Variants in RNF169 observed in about 807,000 individuals in gnomAD.
The protein encoded by RNF169 is ring finger protein 169, also known as E3 ubiquitin-protein ligase RNF169.
A neutral mutation model predicts 53.9 loss-of-function variants in RNF169; 24 were observed. The observed-to-expected ratio is 0.45, with a 90% CI of 0.32 to 0.63. RNF169 has a LOEUF of 0.63. Among genes scored for constraint, RNF169 ranks in the 20% least tolerant of loss-of-function variants. RNF169 has a pLI of 0.04. For missense variants in RNF169, 883 were observed against 906.2 expected (o/e 0.97, Z 0.33); for synonymous variants, 396 against 363.5 (o/e 1.09, Z -1.02).
At chr11:74,764,406 G>A (rs1345829495) in intron 1 of RNF169, among the ~76,000 whole-genome samples, 1 of 152,164 alleles carries the variant, frequency 6.6e-6, no homozygotes, top group Non-Finnish European at 1.5e-5. Flanking sequence ...GGTGGCGCAT[G>A]CCTGTAATCA....
rs547827665 is a variant in RNF169 at position 74,835,807 on chromosome 11, C to G, written c.1204C>G (p.Leu402Val). 6.2e-7 allele frequency: 1 copy of G among 1,614,194 alleles called. No homozygotes were observed. The highest frequency in any genetic ancestry group is 1.3e-5 in the African/African-American group (1 of 75,050). ...PPKRLPDGRV[L>V]SPLIIKSTPR... is the part of the protein sequence containing the mutation. The stretch of plus-strand genomic sequence containing the variant: ...CAAGAGACTCCCTGATGGCCGTGTG[C>G]TAAGTCCTCTCATCATCAAATCAAC... The change falls in exon 6 of 6, where the codon CTA (leucine) becomes GTA (valine). Residue 402 changes from leucine (L) to valine (V), a missense_variant. Physicochemically the swap from Leu to Val is conservative, Grantham distance 32 (BLOSUM62 1). Around this residue, in one of 3 missense-constraint regions of RNF169, gnomAD observed 219 missense variants for 289.1 expected, o/e 0.76. Coordinates refer to ENST00000299563, the MANE Select transcript of RNF169 (RefSeq NM_001098638.2).
In RNF169 at chr11:74,749,054, G is replaced by A. The variant is rs961423013; in HGVS notation, c.174G>A (p.Pro58=). 4.8e-6 allele frequency: 7 copies of A among 1,467,862 alleles called. No homozygotes were observed. Among genetic ancestry groups the A allele is most frequent in the Non-Finnish European group, 6.3e-6 (7 of 1,108,186 alleles). The allele number at this position is 1,467,862 out of a possible 1,614,324, so 90.9% of individuals were successfully genotyped here. The part of the protein sequence containing the change: ...LVLSPPLLQP[P]LPPRPEESGC... ...TGTCGCCGCCGTTGCTGCAGCCGCC[G>A]CTGCCGCCGCGGCCGGAGGAATCGG... The change falls in exon 1 of 6, where the codon CCG becomes CCA. Residue 58 remains proline, a synonymous_variant. Coordinates refer to ENST00000299563, the MANE Select transcript of RNF169 (RefSeq NM_001098638.2).
chr11:74,818,960 A>C (rs1292992719), intron 4 of RNF169, among the ~76,000 whole-genome samples: 6 of 152,016 alleles, frequency 3.9e-5, no homozygotes, highest in Non-Finnish European at 5.9e-5. Context: ...TGGATTACTT[A>C]ATGTCTTTAT....
At chr11:74,766,914 A>G (rs2035182914) in intron 1 of RNF169, among the ~76,000 whole-genome samples, 1 of 152,234 alleles carries the variant, frequency 6.6e-6, no homozygotes, top group South Asian at 2.1e-4. Flanking sequence ...AAATCACACA[A>G]GTTAACAAAA....
Position 74,839,518 on chromosome 11 carries a change from T to C in RNF169, c.*2788T>C, listed in dbSNP as rs1390306978. The C allele has an allele frequency of 6.6e-6, 1 of 152,170 alleles. No individual in the cohort carries two copies. The highest frequency in any genetic ancestry group is 1.5e-5 in the Non-Finnish European group (1 of 68,032). The allele number at this position is 152,170 out of a possible 1,614,324, so 9.4% of individuals were successfully genotyped here. A position where few individuals can be genotyped will look rare whatever the true frequency, so the allele number is the denominator to read the frequency against. On this transcript the variant is annotated 3_prime_UTR_variant, in exon 6 of 6. Transcript: ENST00000299563. ...GATGGGAAGGGTTTGTGAGCTAGAA[T>C]AAGAGGTGCAGGATTTCACAAAACA...
At chr11:74,777,453 A>G (rs1195579470) in intron 1 of RNF169, among the ~76,000 whole-genome samples, 2 of 152,166 alleles carry the variant, frequency 1.3e-5, no homozygotes, top group African/African-American at 4.8e-5. Flanking sequence ...TCTTAGCAGC[A>G]TTCCCATGTC....
At chr11:74,834,830 C>T in intron 5 of RNF169, 55 bp downstream of exon 5, 1 of 1,165,340 alleles carries the variant, frequency 8.6e-7, no homozygotes. Context: ...ATCACCCCCT[C>T]TGCACATGGT....
At chr11:74,811,005 C>T (rs1471474096) in intron 3 of RNF169, among the ~76,000 whole-genome samples, 1 of 152,068 alleles carries the variant, frequency 6.6e-6, no homozygotes, top group Non-Finnish European at 1.5e-5. Flanking sequence ...CTTAGCACAT[C>T]TTTAGACTCC....
At chr11:74,775,993 A>T (rs911436518) in intron 1 of RNF169, among the ~76,000 whole-genome samples, 15 of 152,208 alleles carry the variant, frequency 9.9e-5, no homozygotes, top group Non-Finnish European at 2.1e-4. Flanking sequence ...TAACCATTCT[A>T]GTCATCTTTA....
rs573118472 is a variant in RNF169, at chr11:74,838,697, C to T, written c.*1967C>T. On this transcript the variant is annotated 3_prime_UTR_variant, in exon 6 of 6. Transcript: ENST00000299563. ...ATTTTGTAGTCACACCACTTCAGTT[C>T]TGGGCCCTACCAACAATTTATGTCC... is the stretch of plus-strand genomic sequence containing the variant. 6.6e-6 allele frequency: 1 copy of T among 152,306 alleles called. No individual in the cohort carries two copies. Among genetic ancestry groups the T allele is most frequent in the African/African-American group, 2.4e-5 (1 of 41,582 alleles). The allele number at this position is 152,306 out of a possible 1,614,324, so 9.4% of individuals were successfully genotyped here. A position where few individuals can be genotyped will look rare whatever the true frequency, so the allele number is the denominator to read the frequency against.
chr11:74,773,053 T>G (rs922242542), intron 1 of RNF169, among the ~76,000 whole-genome samples: 1 of 152,234 alleles, frequency 6.6e-6, no homozygotes, highest in Admixed American at 6.5e-5. Context: ...TTTATCACAT[T>G]TGCTAGTGAA....
chr11:74,749,256 T>G lies in RNF169; in HGVS notation c.376T>G (p.Ser126Ala), dbSNP rs1365544825. ...RRARDDGQAD[S>A]EVLGECARRS... ...GGCCCGCGACGACGGCCAGGCCGAC[T>G]CAGAGGTGCTGGGCGAGTGCGCCCG... is the stretch of plus-strand genomic sequence containing the variant. Residue 126 changes from serine (S) to alanine (A), a missense_variant, in exon 1 of 6, where the codon TCA becomes GCA. By Grantham distance (99) the Ser-to-Ala change is moderately conservative (BLOSUM62 1). Transcript: ENST00000299563. 1 of 1,113,492 alleles carries G rather than the reference T, an allele frequency of 9.0e-7. No individual in the cohort carries two copies. The highest frequency in any genetic ancestry group is 1.1e-6 in the Non-Finnish European group (1 of 914,144). The allele number at this position is 1,113,492 out of a possible 1,614,324, so 69.0% of individuals were successfully genotyped here.
chr11:74,793,930 A>T (rs892581475), intron 2 of RNF169, among the ~76,000 whole-genome samples: 24 of 152,170 alleles, frequency 1.6e-4, no homozygotes, highest in Admixed American at 1.3e-3. Flanking sequence ...TTATATGCTT[A>T]CTTATGCATG....
chr11:74,838,805 C>T lies in RNF169; in HGVS notation c.*2075C>T, dbSNP rs2036295649. ...ACAGAAGACAGGGAGGGTGACCTTACTATAAATGCCCTTAGAGGAAACTTA... is the reference window on the plus strand; with the variant it reads ...ACAGAAGACAGGGAGGGTGACCTTATTATAAATGCCCTTAGAGGAAACTTA... On this transcript the variant is annotated 3_prime_UTR_variant, in exon 6 of 6. Transcript: ENST00000299563. 6.6e-6 allele frequency: 1 copy of T among 152,182 alleles called. No homozygotes were observed. The highest frequency in any genetic ancestry group is 2.4e-5 in the African/African-American group (1 of 41,448). 9.4% of individuals were successfully genotyped at this position (152,182 alleles called of 1,614,324 possible).
intron 1 of RNF169, among the ~76,000 whole-genome samples, chr11:74,787,762 T>C (rs1274711940): frequency 6.6e-6 from 1 of 152,214 alleles, no homozygotes; most frequent in East Asian, 1.9e-4. Context: ...TCAAAAAGCA[T>C]GTATCCTTTG....
At chr11:74,810,131 T>C in intron 2 of RNF169, 53 bp from the exon 3 acceptor site, 6 of 1,498,200 alleles carry the variant, frequency 4.0e-6, no homozygotes, top group Non-Finnish European at 5.5e-6. Context: ...AAAATATGTT[T>C]TTAAGTTTAG....
chr11:74,776,420 T>C (rs1239946264), intron 1 of RNF169, among the ~76,000 whole-genome samples: 2 of 151,210 alleles, frequency 1.3e-5, no homozygotes, highest in Non-Finnish European at 2.9e-5. Flanking sequence ...AAAGAAAAAC[T>C]TTACAAAATT....
At position 74,835,678 on chromosome 11, in the gene RNF169, T is replaced by G. The variant is rs1475583029; in HGVS notation, c.1075T>G (p.Ser359Ala). ...CTTCAGCTCCCTTTCATCCTTGGCT[T>G]CCCTGCATAAGCCAGAGCGTTCTGT... is the stretch of plus-strand genomic sequence containing the variant. ...LPFSSLSSLA[S>A]LHKPERSVSP... Residue 359 changes from serine to alanine, a missense_variant, in exon 6 of 6, where the codon TCC becomes GCC. Coordinates refer to ENST00000299563, the MANE Select transcript of RNF169 (RefSeq NM_001098638.2). The G allele has an allele frequency of 6.2e-7, 1 of 1,614,112 alleles. No individual in the cohort carries two copies. Among genetic ancestry groups the G allele is most frequent in the African/African-American group, 1.3e-5 (1 of 75,000 alleles).
chr11:74,784,891 C>G (rs1018153104), intron 1 of RNF169, among the ~76,000 whole-genome samples: 1 of 152,078 alleles, frequency 6.6e-6, no homozygotes, highest in African/African-American at 2.4e-5. Flanking sequence ...ATAGACAGGC[C>G]TGCTGTGTCA....
Sources: allele counts gnomAD v4.1 joint callset (sites outside exome capture counted in the v4.1 genomes callset), GRCh38; gene constraint gnomAD v4.1.1; regional missense constraint gnomAD v4.1.1; transcripts MANE v1.5; gene names NCBI Gene and HGNC (gene_info 2026-07-23, HGNC 2026-07-21).